Variants in NALF1 observed in about 807,000 individuals in gnomAD.
NALF1 encodes NALCN channel auxiliary factor 1.
In NALF1, 3 loss-of-function variants were observed where a neutral mutation model predicts 48.4. That is an observed-to-expected ratio of 0.06 (90% CI 0.03 to 0.16). The LOEUF is 0.16. Among genes scored for constraint, NALF1 ranks in the 10% least tolerant of loss-of-function variants. NALF1 has a pLI of 1.00. For missense variants in NALF1, 526 were observed against 571.5 expected, an observed-to-expected ratio of 0.92 and a Z score of 0.81; for synonymous variants, 262 against 245.7, an observed-to-expected ratio of 1.07 and a Z score of -0.62.
chr13:107,491,626 C>A (rs1042770736), intron 1 of NALF1, among the ~76,000 whole-genome samples: 3 of 152,088 alleles, frequency 2.0e-5, no homozygotes, highest in African/African-American at 7.2e-5. Flanking sequence ...ATCATCAAAC[C>A]AACCACATCA....
chr13:107,254,218 C>T (rs1880766011), intron 1 of NALF1, among the ~76,000 whole-genome samples: 1 of 152,064 alleles, frequency 6.6e-6, no homozygotes, highest in Non-Finnish European at 1.5e-5. Context: ...AAGTTGTCAT[C>T]TTCACTTTAC....
chr13:107,445,424 G>A (rs1206732741), intron 1 of NALF1, among the ~76,000 whole-genome samples: 1 of 151,972 alleles, frequency 6.6e-6, no homozygotes, highest in African/African-American at 2.4e-5. Context: ...CCTTTCTATT[G>A]CCTAGTATGG....
At chr13:107,327,186 T>G (rs1456964272) in intron 1 of NALF1, among the ~76,000 whole-genome samples, 2 of 152,162 alleles carry the variant, frequency 1.3e-5, no homozygotes, top group East Asian at 3.9e-4. Flanking sequence ...CAAGGAGAAT[T>G]ATAGCTTTTA....
At chr13:107,549,927 A>G (rs559917) in intron 1 of NALF1, among the ~76,000 whole-genome samples, 84,941 of 151,696 alleles carry the variant, frequency 0.56, 23,884 homozygotes, top group East Asian at 0.64. Context: ...CATTTGGTCT[A>G]GAACACTTAC....
At chr13:107,578,327 T>C (rs770753207) in intron 1 of NALF1, among the ~76,000 whole-genome samples, 1 of 152,254 alleles carries the variant, frequency 6.6e-6, no homozygotes, top group Non-Finnish European at 1.5e-5. Flanking sequence ...GACATTAGTC[T>C]TGCCGTGTTG....
At chr13:107,861,398 A>G (rs1459424964) in intron 1 of NALF1, among the ~76,000 whole-genome samples, 1 of 136,770 alleles carries the variant, frequency 7.3e-6, no homozygotes, top group Non-Finnish European at 1.7e-5. Context: ...GAACAGTGAC[A>G]TGATATTACA....
chr13:107,416,033 G>A (rs1312248719), intron 1 of NALF1, among the ~76,000 whole-genome samples: 2 of 149,808 alleles, frequency 1.3e-5, no homozygotes, highest in Non-Finnish European at 3.0e-5. Flanking sequence ...TTGAGATGGT[G>A]TCTCGCTCTG....
intron 1 of NALF1, among the ~76,000 whole-genome samples, chr13:107,511,634 T>A (rs764525742): frequency 1.3e-5 from 2 of 152,100 alleles, no homozygotes; most frequent in Non-Finnish European, 2.9e-5. Flanking sequence ...ATTCACACAC[T>A]ACAAATGGAG....
At chr13:107,353,615 T>C (rs1266096258) in intron 1 of NALF1, among the ~76,000 whole-genome samples, 1 of 152,188 alleles carries the variant, frequency 6.6e-6, no homozygotes, top group African/African-American at 2.4e-5. Context: ...AATGTGGAAA[T>C]GGTCAGAAGA....
intron 1 of NALF1, among the ~76,000 whole-genome samples, chr13:107,358,098 G>A (rs1882994598): frequency 6.6e-6 from 1 of 152,086 alleles, no homozygotes; most frequent in South Asian, 2.1e-4. Flanking sequence ...ATATAGACAT[G>A]TGTCTGTGGA....
rs1436075024 is a variant in NALF1, at chr13:107,362,770, A to G, written c.916-152015T>C. Among the ~76,000 whole-genome samples, 5 of 152,124 alleles carry G rather than the reference A, an allele frequency of 3.3e-5. No individual in the cohort carries two copies. Among genetic ancestry groups the G allele is most frequent in the African/African-American group, 1.2e-4 (5 of 41,416 alleles). On this transcript the variant is annotated intron_variant, in intron 1 of 2. Transcript: ENST00000375915. The surrounding 1 kb of genome is among the most constrained non-coding windows in gnomAD (Gnocchi z 4.6). ...AGCAAACACCGTGTGTGCTTTTACA[A>G]CTTTCCCATAGGTGAGCATGTACCT...
chr13:107,384,390 A>G (rs1185094892), intron 1 of NALF1, among the ~76,000 whole-genome samples: 2 of 152,204 alleles, frequency 1.3e-5, no homozygotes, highest in African/African-American at 4.8e-5. Context: ...TTTGCTTTTC[A>G]TACAGTCTGC....
intron 1 of NALF1, among the ~76,000 whole-genome samples, chr13:107,578,795 A>G (rs1310224012): frequency 6.6e-6 from 1 of 152,224 alleles, no homozygotes; most frequent in Non-Finnish European, 1.5e-5. Context: ...ATGAATATGT[A>G]GAACTATACT....
chr13:107,527,020 G>A (rs1481399289), intron 1 of NALF1, among the ~76,000 whole-genome samples: 1 of 152,130 alleles, frequency 6.6e-6, no homozygotes, highest in Non-Finnish European at 1.5e-5. Flanking sequence ...AAGAAATTAG[G>A]ACAAGCATGA....
chr13:107,222,141 A>G (rs745352857), intron 1 of NALF1, among the ~76,000 whole-genome samples: 2 of 152,204 alleles, frequency 1.3e-5, no homozygotes, highest in Non-Finnish European at 2.9e-5. Flanking sequence ...ATTAGGAAGG[A>G]GCCAGAATTA....
chr13:107,704,500 A>C (rs942314117), intron 1 of NALF1, among the ~76,000 whole-genome samples: 5 of 151,808 alleles, frequency 3.3e-5, no homozygotes, highest in Non-Finnish European at 7.4e-5. Flanking sequence ...TGTGTACTTA[A>C]CCTCCCAAAG....
At chr13:107,596,813 A>G (rs1196389139) in intron 1 of NALF1, among the ~76,000 whole-genome samples, 2 of 152,164 alleles carry the variant, frequency 1.3e-5, no homozygotes, top group African/African-American at 4.8e-5. Context: ...CCCAGAACTT[A>G]AAGTATAATA....
intron 1 of NALF1, among the ~76,000 whole-genome samples, chr13:107,563,030 G>C (rs1877691582): frequency 6.6e-6 from 1 of 152,152 alleles, no homozygotes; most frequent in African/African-American, 2.4e-5. Context: ...GTTAATGTAA[G>C]TAAAATAGGT....
At chr13:107,219,080 C>A (rs141407206) in intron 1 of NALF1, among the ~76,000 whole-genome samples, 1 of 152,196 alleles carries the variant, frequency 6.6e-6, no homozygotes, top group African/African-American at 2.4e-5. Flanking sequence ...ATGTTAGTGA[C>A]GAAGATGGTG....
Sources: allele counts gnomAD v4.1 joint callset (sites outside exome capture counted in the v4.1 genomes callset), GRCh38; gene constraint gnomAD v4.1.1; non-coding constraint Gnocchi (gnomAD v3.1); transcripts MANE v1.5; gene names NCBI Gene and HGNC (gene_info 2026-07-23, HGNC 2026-07-21).